Variants in DLC1 observed in about 807,000 individuals in gnomAD.
The protein encoded by DLC1 is DLC1 Rho GTPase activating protein, also known as rho GTPase-activating protein 7.
DLC1 carries 54 observed loss-of-function variants against 140.3 expected under a neutral mutation model. The ratio of observed to expected loss-of-function variants is 0.38; its 90% CI spans 0.31 to 0.48. The LOEUF is 0.48. Ranked by LOEUF, DLC1 falls within the 20% of genes least tolerant of loss-of-function variation. The pLI is 0.96. For missense variants in DLC1, 2,536 were observed against 1,907.0 expected (o/e 1.33, Z -6.14); for synonymous variants, 986 against 728.1 (o/e 1.35, Z -5.70).
intron 1 of DLC1, among the ~76,000 whole-genome samples, chr8:13,510,795 TG>T (rs1406051331): frequency 3.6e-4 from 55 of 152,202 alleles, no homozygotes; most frequent in African/African-American, 1.3e-3. Flanking sequence ...TGGTGCTTAA[TG>T]AACTTGAAAT....
At chr8:13,307,610 A>G (rs2117532180) in intron 4 of DLC1, among the ~76,000 whole-genome samples, 1 of 152,378 alleles carries the variant, frequency 6.6e-6, no homozygotes, top group East Asian at 1.9e-4. Context: ...AAAATAAAAC[A>G]GAAACCTTTC....
chr8:13,218,996 ACG>A (rs1563173951), intron 5 of DLC1, among the ~76,000 whole-genome samples: 21 of 121,500 alleles, frequency 1.7e-4, no homozygotes, highest in African/African-American at 5.5e-4. Flanking sequence ...ATAATTATAT[ACG>A]AATATAATTA....
chr8:13,286,915 G>T (rs561888668), intron 5 of DLC1, among the ~76,000 whole-genome samples: 1 of 152,314 alleles, frequency 6.6e-6, no homozygotes, highest in East Asian at 1.9e-4. Context: ...GGAGATGACA[G>T]TCTGCAAACT....
chr8:13,232,558 C>T (rs1330530993), intron 5 of DLC1, among the ~76,000 whole-genome samples: 2 of 152,172 alleles, frequency 1.3e-5, no homozygotes, highest in Admixed American at 1.3e-4. Flanking sequence ...GTCTCGATCT[C>T]TTGACCTCAT....
chr8:13,348,327 T>G (rs1189531165), intron 4 of DLC1, among the ~76,000 whole-genome samples: 6 of 152,116 alleles, frequency 3.9e-5, no homozygotes, highest in Admixed American at 3.3e-4. Context: ...GGTAAAAAAC[T>G]AAACTAGTGA....
chr8:13,347,417 A>G (rs1276798021), intron 4 of DLC1, among the ~76,000 whole-genome samples: 1 of 152,136 alleles, frequency 6.6e-6, no homozygotes, highest in African/African-American at 2.4e-5. Context: ...GTGCTGGAGG[A>G]CGGGAGCAGC....
intron 2 of DLC1, among the ~76,000 whole-genome samples, chr8:13,446,082 A>G (rs1312820357): frequency 6.6e-6 from 1 of 152,178 alleles, no homozygotes; most frequent in African/African-American, 2.4e-5. Flanking sequence ...AGATTTAGTA[A>G]CATATCAATT....
intron 2 of DLC1, among the ~76,000 whole-genome samples, chr8:13,489,412 T>TAGACACAC (rs1554530218): frequency 2.3e-5 from 3 of 132,356 alleles, no homozygotes; most frequent in Non-Finnish European, 4.7e-5. Flanking sequence ...ACACACACCA[T>TAGACACAC]ACACACACAC....
At chr8:13,180,868 T>C (rs901931238) in intron 5 of DLC1, among the ~76,000 whole-genome samples, 1 of 152,218 alleles carries the variant, frequency 6.6e-6, no homozygotes, top group Non-Finnish European at 1.5e-5. Context: ...ATTTTTACTA[T>C]CAGACATAAA....
At chr8:13,183,423 G>A (rs912634118) in intron 5 of DLC1, among the ~76,000 whole-genome samples, 1 of 152,118 alleles carries the variant, frequency 6.6e-6, no homozygotes, top group African/African-American at 2.4e-5. Context: ...TCCAGTTTTT[G>A]CCCTTTCAGT....
At chr8:13,323,538 C>T (rs1450608417) in intron 4 of DLC1, among the ~76,000 whole-genome samples, 1 of 152,082 alleles carries the variant, frequency 6.6e-6, no homozygotes, top group African/African-American at 2.4e-5. Context: ...GGTTGATGGT[C>T]ATCCTTTATT....
chr8:13,138,399 T>G (rs1197377231), intron 5 of DLC1, among the ~76,000 whole-genome samples: 1 of 152,264 alleles, frequency 6.6e-6, no homozygotes, highest in African/African-American at 2.4e-5. Flanking sequence ...TTCCACTTAA[T>G]TTTAACTTTG....
chr8:13,572,923 C>A (rs534240379), intron 1 of DLC1, among the ~76,000 whole-genome samples: 128 of 152,240 alleles, frequency 8.4e-4, no homozygotes, highest in Non-Finnish European at 1.2e-3. Context: ...GAATCTCTAT[C>A]CTTTTTGTTC....
chr8:13,584,708 A>T (rs1805239242), intron 1 of DLC1, among the ~76,000 whole-genome samples: 1 of 152,168 alleles, frequency 6.6e-6, no homozygotes, highest in Non-Finnish European at 1.5e-5. Context: ...GTGCAGAGGT[A>T]GGCACATTGA....
intron 2 of DLC1, among the ~76,000 whole-genome samples, chr8:13,472,134 T>C (rs562905907): frequency 6.6e-6 from 1 of 152,330 alleles, no homozygotes; most frequent in East Asian, 1.9e-4. Flanking sequence ...TTTTCTCAAA[T>C]AACAAGCGCC....
At chr8:13,101,273 CA>C (rs1275824123) in intron 8 of DLC1, among the ~76,000 whole-genome samples, 1 of 152,052 alleles carries the variant, frequency 6.6e-6, no homozygotes, top group Admixed American at 6.5e-5. Flanking sequence ...AGTGCCTGAC[CA>C]AATGTTGCAA....
At chr8:13,492,827 C>T (rs1212683825) in intron 2 of DLC1, among the ~76,000 whole-genome samples, 1 of 152,154 alleles carries the variant, frequency 6.6e-6, no homozygotes, top group East Asian at 1.9e-4. Flanking sequence ...ATTTATTTGT[C>T]ATGAGACGAT....
chr8:13,210,876 TAA>T (rs1827903902), intron 5 of DLC1, among the ~76,000 whole-genome samples: 1 of 152,184 alleles, frequency 6.6e-6, no homozygotes, highest in Non-Finnish European at 1.5e-5. Flanking sequence ...TCTTCTGCCT[TAA>T]ATAATCTATT....
chr8:13,110,812 G>T lies in DLC1; in HGVS notation c.1432C>A (p.Pro478Thr), dbSNP rs1303000329. The T allele has an allele frequency of 6.2e-7, 1 of 1,613,972 alleles. No individual in the cohort carries two copies. Among genetic ancestry groups the T allele is most frequent in the Admixed American group, 1.7e-5 (1 of 59,998 alleles). Reference sequence around the variant, plus strand: ...CTCTTGACCAAGGAAATATCGATGGGGAACAGGAAATCTATGAGAAAAATA... The same window carrying T: ...CTCTTGACCAAGGAAATATCGATGGTGAACAGGAAATCTATGAGAAAAATA... ...YAQLYEDFLF[P>T]IDISLVKREH... The change falls in exon 7 of 18, where the codon CCC becomes ACC. Residue 478 changes from proline to threonine, a missense_variant. By Grantham distance (38) the Pro-to-Thr change is conservative. Coordinates refer to ENST00000276297, the MANE Select transcript of DLC1 (RefSeq NM_182643.3).
Sources: gnomAD v4.1 joint callset for allele counts (sites outside exome capture counted in the v4.1 genomes callset) on GRCh38, gnomAD v4.1.1 for gene constraint, MANE v1.5 for transcripts, NCBI Gene and HGNC (gene_info 2026-07-23, HGNC 2026-07-21) for gene names.